Variants in SLC15A2 observed in about 807,000 individuals in gnomAD.
SLC15A2 encodes the protein solute carrier family 15 member 2.
In SLC15A2, 77 loss-of-function variants were observed where a neutral mutation model predicts 95.5. The ratio of observed to expected loss-of-function variants is 0.81; its 90% confidence interval spans 0.67 to 0.97. SLC15A2 has a LOEUF of 0.97. Among genes scored for constraint, SLC15A2 ranks in the 50% least tolerant of loss-of-function variants. SLC15A2 has a pLI of 0.00. For missense variants in SLC15A2, 893 were observed against 874.4 expected, an observed-to-expected ratio of 1.02 and a Z score of -0.27; for synonymous variants, 306 against 306.9, an observed-to-expected ratio of 1.00 and a Z score of 0.03.
Position 121,940,437 on chromosome 3 carries a change from A to T in SLC15A2, c.1962A>T (p.Ala654=), listed in dbSNP as rs753156451. 6 of 1,614,140 alleles carry T rather than the reference A, an allele frequency of 3.7e-6. No individual in the cohort carries two copies. Among genetic ancestry groups the T allele is most frequent in the Non-Finnish European group, 5.1e-6 (6 of 1,179,990 alleles). The change falls in exon 21 of 22, where the codon GCA becomes GCT. Residue 654 remains alanine, a synonymous_variant. Transcript: ENST00000489711. ...AGGCAGCTTGGCTATTGACAATTGC[A>T]GTTGGGAATATCATCGTGCTTGTTG... ...VLQAAWLLTI[A]VGNIIVLVVA... is the part of the protein sequence containing the mutation.
At chr3:121,926,500 G>T (rs769813122) in intron 13 of SLC15A2, among the ~76,000 whole-genome samples, 43 of 152,210 alleles carry the variant, frequency 2.8e-4, no homozygotes, top group Admixed American at 9.8e-4. Context: ...AAGCCTGCAG[G>T]CATACAGAGT....
At chr3:121,932,552 T>C (rs1228500693) in intron 19 of SLC15A2, among the ~76,000 whole-genome samples, 3 of 152,142 alleles carry the variant, frequency 2.0e-5, no homozygotes. Flanking sequence ...GTCCTAGCAG[T>C]CAGGGCAGAG....
intron 3 of SLC15A2, among the ~76,000 whole-genome samples, chr3:121,903,272 T>G (rs1408506859): frequency 6.6e-6 from 1 of 152,240 alleles, no homozygotes; most frequent in Admixed American, 6.5e-5. Flanking sequence ...ATGGGTAGAT[T>G]GCAAAAATTT....
intron 13 of SLC15A2, among the ~76,000 whole-genome samples, chr3:121,925,781 TAAAA>T (rs1226751146): frequency 5.1e-5 from 2 of 39,412 alleles, no homozygotes; most frequent in African/African-American, 2.2e-4. Flanking sequence ...TATATATATA[TAAAA>T]TACAACTACT....
chr3:121,904,887 T>C (rs6780234), intron 3 of SLC15A2, among the ~76,000 whole-genome samples: 68,067 of 152,110 alleles, frequency 0.45, 15,765 homozygotes, highest in East Asian at 0.69. Flanking sequence ...CAGGATTCTC[T>C]CTTTTTCTAT....
chr3:121,895,079 T>A (rs1709392435), intron 1 of SLC15A2, among the ~76,000 whole-genome samples: 1 of 152,240 alleles, frequency 6.6e-6, no homozygotes, highest in South Asian at 2.1e-4. Context: ...GTTTTGCATT[T>A]ATATACTCGC....
chr3:121,902,533 C>G (rs1286419206), intron 3 of SLC15A2, among the ~76,000 whole-genome samples: 1 of 152,040 alleles, frequency 6.6e-6, no homozygotes, highest in Admixed American at 6.6e-5. Flanking sequence ...TGACAGGCCC[C>G]CATGTGTGAC....
intron 3 of SLC15A2, among the ~76,000 whole-genome samples, chr3:121,902,688 C>T (rs1236356560): frequency 1.3e-5 from 2 of 152,208 alleles, no homozygotes; most frequent in Non-Finnish European, 2.9e-5. Flanking sequence ...AGGACATGAA[C>T]TCATCCTTTT....
intron 19 of SLC15A2, among the ~76,000 whole-genome samples, chr3:121,932,316 T>C (rs1474520671): frequency 6.6e-6 from 1 of 152,238 alleles, no homozygotes; most frequent in Non-Finnish European, 1.5e-5. Flanking sequence ...GAGCCATCAC[T>C]GTGAGATGCC....
intron 3 of SLC15A2, among the ~76,000 whole-genome samples, chr3:121,900,255 A>G (rs1473626573): frequency 6.6e-6 from 1 of 152,164 alleles, no homozygotes; most frequent in African/African-American, 2.4e-5. Context: ...ATCAGTTATC[A>G]AATTCTACCA....
intron 7 of SLC15A2, among the ~76,000 whole-genome samples, chr3:121,920,306 C>CT (rs549259323): frequency 3.3e-5 from 5 of 152,006 alleles, no homozygotes; most frequent in East Asian, 1.9e-4. Context: ...TTATTTTTTA[C>CT]TTTTTTTGGA....
intron 3 of SLC15A2, among the ~76,000 whole-genome samples, chr3:121,905,243 C>T (rs1479430607): frequency 1.3e-5 from 2 of 152,044 alleles, no homozygotes; most frequent in South Asian, 2.1e-4. Flanking sequence ...TCTCTCTTTT[C>T]TTCTTTATTA....
chr3:121,911,704 C>A, intron 4 of SLC15A2, 38 bp downstream of exon 4: 2 of 1,266,888 alleles, frequency 1.6e-6, no homozygotes, highest in Non-Finnish European at 2.3e-6. Context: ...CTACTTTTCT[C>A]AGACATTTGT....
chr3:121,902,136 G>T (rs1709532511), intron 3 of SLC15A2, among the ~76,000 whole-genome samples: 1 of 152,120 alleles, frequency 6.6e-6, no homozygotes, highest in African/African-American at 2.4e-5. Context: ...TAATCAATAG[G>T]TACGCAGTGG....
rs375671863 is a variant in SLC15A2 at position 121,923,273 on chromosome 3, A to G, written c.1002+7A>G. ...CAGGATGAATAGGAATTTGGTGAGT[A>G]GAAGAGATTTTCCAGAGAAGTCTAT... On this transcript the variant is annotated splice_region_variant and intron_variant, in intron 11 of 21. Coordinates refer to ENST00000489711, the MANE Select transcript of SLC15A2 (RefSeq NM_021082.4). 1.6e-4 allele frequency: 265 copies of G among 1,613,282 alleles called. 2 individuals are homozygous for G. Among genetic ancestry groups the G allele is most frequent in the South Asian group, 6.3e-4 (57 of 90,952 alleles).
At chr3:121,896,519 C>A in intron 2 of SLC15A2, 26 bp downstream of exon 2, 2 of 1,551,388 alleles carry the variant, frequency 1.3e-6, no homozygotes, top group Non-Finnish European at 1.8e-6. Context: ...AGAGTCCTAC[C>A]TACTCTCCTC....
chr3:121,928,956 T>C (rs1395520855), intron 15 of SLC15A2, 26 bp from the exon 16 acceptor site: 2 of 1,610,984 alleles, frequency 1.2e-6, no homozygotes, highest in South Asian at 2.2e-5. Flanking sequence ...GTACGTGACC[T>C]TCATTTTATA....
intron 13 of SLC15A2, 89 bp downstream of exon 13, chr3:121,925,122 A>T (rs1710089383): frequency 1.1e-6 from 1 of 927,266 alleles, no homozygotes. Context: ...TATTTTTCTT[A>T]GTGAGGATTG....
In SLC15A2 at chr3:121,928,404, G is replaced by T. The variant is rs753902151; in HGVS notation, c.1207-17G>T. 1.4e-5 allele frequency: 22 copies of T among 1,610,776 alleles called. No individual in the cohort carries two copies. The Admixed American group carries it at 3.4e-4, about 25-fold the overall frequency. On this transcript the variant is annotated splice_polypyrimidine_tract_variant and intron_variant, in intron 14 of 21. Coordinates refer to ENST00000489711, the MANE Select transcript of SLC15A2 (RefSeq NM_021082.4). ...GATTATTTGTTGGTGATTCTGACAT[G>T]TGTTCTTTGCTCTAAGGAAATGGCC...
Sources: allele counts gnomAD v4.1 joint callset (sites outside exome capture counted in the v4.1 genomes callset), GRCh38; gene constraint gnomAD v4.1.1; transcripts MANE v1.5; gene names NCBI Gene and HGNC (gene_info 2026-07-23, HGNC 2026-07-21).